The following CORO2B variants were observed in gnomAD, a reference collection of about 807,000 sequenced individuals.
CORO2B encodes coronin 2B.
A neutral mutation model predicts 58.8 loss-of-function variants in CORO2B; 26 were observed. That is an observed-to-expected ratio of 0.44 (90% CI 0.32 to 0.61). CORO2B has a LOEUF of 0.61. CORO2B is among the 20% of genes least tolerant of loss of function. The pLI is 0.04. For synonymous variants in CORO2B, 242 were observed against 253.8 expected, an observed-to-expected ratio of 0.95 and a Z score of 0.44; for missense variants, 460 against 645.1, an observed-to-expected ratio of 0.71 and a Z score of 3.11.
chr15:68,673,768 C>CA (rs1381831830), intron 2 of CORO2B, among the ~76,000 whole-genome samples: 4 of 143,210 alleles, frequency 2.8e-5, no homozygotes, highest in Non-Finnish European at 6.0e-5. Flanking sequence ...ACGGGGGAGA[C>CA]AGAGTTTGCA....
chr15:68,585,253 G>C (rs571397880), intron 1 of CORO2B, among the ~76,000 whole-genome samples: 2 of 152,298 alleles, frequency 1.3e-5, no homozygotes, highest in African/African-American at 2.4e-5. Flanking sequence ...CCACACCCTG[G>C]TCCCAGAGCT....
At chr15:68,677,193 T>C (rs1465212764) in intron 2 of CORO2B, among the ~76,000 whole-genome samples, 3 of 152,178 alleles carry the variant, frequency 2.0e-5, no homozygotes, top group African/African-American at 4.8e-5. Flanking sequence ...CTCCAAAGCT[T>C]GCTCCTCTGC....
intron 1 of CORO2B, among the ~76,000 whole-genome samples, chr15:68,610,488 C>T (rs1900223141): frequency 6.6e-6 from 1 of 152,062 alleles, no homozygotes; most frequent in African/African-American, 2.4e-5. Flanking sequence ...GAACAACAGA[C>T]CCCTTGCTCT....
the CORO2B span, among the ~76,000 whole-genome samples, chr15:68,523,262 A>G: frequency 2.0e-5 from 3 of 151,878 alleles, no homozygotes; most frequent in East Asian, 3.9e-4. Flanking sequence ...TGGCATAATC[A>G]TGGCTCACTG....
intron 2 of CORO2B, among the ~76,000 whole-genome samples, chr15:68,683,343 C>T (rs569721950): frequency 8.5e-5 from 13 of 152,178 alleles, no homozygotes; most frequent in African/African-American, 1.2e-4. Flanking sequence ...CCAGACCCCG[C>T]GTCCCCAGCA....
chr15:68,696,633 C>T (rs1892520064), intron 3 of CORO2B, among the ~76,000 whole-genome samples: 1 of 151,784 alleles, frequency 6.6e-6, no homozygotes, highest in Non-Finnish European at 1.5e-5. Context: ...TCAGACTCTA[C>T]CAACTTTCAC....
Position 68,647,162 on chromosome 15 carries a change from G to C in CORO2B, c.216+1802G>C, listed in dbSNP as rs537849736. Among the ~76,000 whole-genome samples, 9 of 152,298 alleles carry C rather than the reference G, an allele frequency of 5.9e-5. No homozygotes were observed. In the East Asian group the frequency reaches 9.6e-4, roughly 16 times the overall value. ...CATGTGTATTAGAGGAAAATGGAGT[G>C]CATGTTTAAAATCATGCAATGAAGA... On this transcript the variant is annotated intron_variant, in intron 2 of 11. Transcript: ENST00000261861.
At chr15:68,576,175 AAG>A (rs1555409369), upstream of CORO2B, among the ~76,000 whole-genome samples, 18 of 140,156 alleles carry the variant, frequency 1.3e-4, no homozygotes, top group South Asian at 7.1e-4. Context: ...AAAAAAAAAA[AAG>A]AAAGAAAGAA....
chr15:68,622,911 C>T (rs959190809), intron 1 of CORO2B, among the ~76,000 whole-genome samples: 7 of 152,208 alleles, frequency 4.6e-5, no homozygotes, highest in Admixed American at 6.5e-5. Flanking sequence ...TTTATAGATA[C>T]TTAGCACGTG....
At chr15:68,690,499 C>T (rs541096613) in intron 2 of CORO2B, among the ~76,000 whole-genome samples, 14 of 152,278 alleles carry the variant, frequency 9.2e-5, no homozygotes, top group Admixed American at 1.3e-4. Flanking sequence ...CTTCTTACTA[C>T]GCACACATAC....
At chr15:68,562,064 G>A in the CORO2B span, among the ~76,000 whole-genome samples, 1 of 152,198 alleles carries the variant, frequency 6.6e-6, no homozygotes, top group Admixed American at 6.5e-5. Flanking sequence ...GGGGCCCAGG[G>A]ACTGAGGAGA....
At chr15:68,571,687 G>GC in the CORO2B span, among the ~76,000 whole-genome samples, 1 of 152,062 alleles carries the variant, frequency 6.6e-6, no homozygotes, top group South Asian at 2.1e-4. Flanking sequence ...AAAAACATTC[G>GC]CCCAAGGCAC....
intron 1 of CORO2B, among the ~76,000 whole-genome samples, chr15:68,600,979 T>C (rs1899968369): frequency 1.3e-5 from 2 of 152,186 alleles, no homozygotes; most frequent in Admixed American, 1.3e-4. Context: ...GGGAGGAGGC[T>C]GCCTGTCTGA....
At chr15:68,650,606 G>A (rs1901612066) in intron 2 of CORO2B, among the ~76,000 whole-genome samples, 1 of 152,078 alleles carries the variant, frequency 6.6e-6, no homozygotes, top group African/African-American at 2.4e-5. Context: ...GTGAGACTCC[G>A]TCTCAAAAAC....
chr15:68,640,049 G>C (rs1197240173), intron 1 of CORO2B, among the ~76,000 whole-genome samples: 2 of 152,216 alleles, frequency 1.3e-5, no homozygotes, highest in Non-Finnish European at 2.9e-5. Flanking sequence ...CTCTGGCAGA[G>C]TAGGGAGGAG....
At chr15:68,562,054 G>T in the CORO2B span, among the ~76,000 whole-genome samples, 1 of 152,166 alleles carries the variant, frequency 6.6e-6, no homozygotes, top group African/African-American at 2.4e-5. Context: ...AGTGGGTACT[G>T]GGGCCCAGGG....
the CORO2B span, among the ~76,000 whole-genome samples, chr15:68,554,892 G>C: frequency 2.6e-5 from 4 of 152,068 alleles, no homozygotes; most frequent in African/African-American, 7.2e-5. Flanking sequence ...CCAGTGCAAG[G>C]CAGCTCTGGG....
chr15:68,558,425 T>C, the CORO2B span, among the ~76,000 whole-genome samples: 1 of 152,108 alleles, frequency 6.6e-6, no homozygotes, highest in East Asian at 1.9e-4. Context: ...TGGAGTGCAG[T>C]GGCACAATCA....
rs890881024 is a variant in CORO2B at position 68,645,597 on chromosome 15, T to C, written c.216+237T>C. 6.6e-6 allele frequency among the ~76,000 whole-genome samples: 1 copy of C among 152,198 alleles called. No individual in the cohort carries two copies. Among genetic ancestry groups the C allele is most frequent in the Admixed American group, 6.5e-5 (1 of 15,294 alleles). ...CAGAGCTTGCCTAAAGGTATGCACTTGGACAAGCCACTCCCTTGGTGTACA... is the reference window on the plus strand; with the variant it reads ...CAGAGCTTGCCTAAAGGTATGCACTCGGACAAGCCACTCCCTTGGTGTACA... On this transcript the variant is annotated intron_variant, in intron 2 of 11. Coordinates refer to ENST00000261861, the MANE Select transcript of CORO2B (RefSeq NM_006091.5). The surrounding 1 kb of genome is among the most constrained non-coding windows in gnomAD (Gnocchi z 4.5).
Sources: allele counts gnomAD v4.1 joint callset (sites outside exome capture counted in the v4.1 genomes callset), GRCh38; gene constraint gnomAD v4.1.1; non-coding constraint Gnocchi (gnomAD v3.1); transcripts MANE v1.5; gene names NCBI Gene and HGNC (gene_info 2026-07-23, HGNC 2026-07-21).